Variants in MYBL1 observed in about 807,000 individuals in gnomAD.
MYBL1 encodes the protein myb-related protein A.
Under a neutral mutation model 96.3 loss-of-function variants are expected in MYBL1, and 17 were observed. That is an observed-to-expected ratio of 0.18 (90% confidence interval 0.12 to 0.26). The LOEUF (loss-of-function observed/expected upper bound fraction) is 0.26. Among genes scored for constraint, MYBL1 ranks in the 10% least tolerant of loss-of-function variants. MYBL1 has a pLI of 1.00. For missense variants in MYBL1, 701 were observed against 882.9 expected (o/e 0.79, Z 2.61); for synonymous variants, 282 against 292.7 (o/e 0.96, Z 0.37).
chr8:66,592,396 A>G, intron 8 of MYBL1, 44 bp downstream of exon 8: 2 of 1,257,416 alleles, frequency 1.6e-6, no homozygotes, highest in South Asian at 1.3e-5. Flanking sequence ...CAAAAAGCAT[A>G]TATGAAAGAT....
chr8:66,587,158 T>C (rs546402185), intron 8 of MYBL1, among the ~76,000 whole-genome samples: 3 of 152,298 alleles, frequency 2.0e-5, no homozygotes, highest in African/African-American at 7.2e-5. Flanking sequence ...AGGGTAACTA[T>C]AATTAACAGC....
At chr8:66,585,691 G>A (rs1457190588) in intron 8 of MYBL1, among the ~76,000 whole-genome samples, 10 of 152,080 alleles carry the variant, frequency 6.6e-5, no homozygotes, top group Non-Finnish European at 1.0e-4. Context: ...AACCGAGATC[G>A]CGCCACTGCC....
chr8:66,576,247 G>A lies in MYBL1; in HGVS notation c.1230C>T (p.Asn410=), dbSNP rs367803530. The A allele has an allele frequency of 1.1e-4, 183 of 1,613,814 alleles. No individual in the cohort carries two copies. Among genetic ancestry groups the A allele is most frequent in the Non-Finnish European group, 1.4e-4 (167 of 1,179,884 alleles). The change falls in exon 10 of 16, where the codon AAC becomes AAT. Residue 410 remains asparagine (N), a synonymous_variant. Transcript: ENST00000522677. ...HNEGAMECQF[N]VSLVLEGKKN... Reference sequence around the variant, plus strand: ...TTTTCCCTTCAAGTACAAGACTGACGTTAAATTGGCATTCCATGGCTCCTT... The same window carrying A: ...TTTTCCCTTCAAGTACAAGACTGACATTAAATTGGCATTCCATGGCTCCTT...
At chr8:66,577,151 C>T (rs1040648555) in intron 9 of MYBL1, among the ~76,000 whole-genome samples, 1 of 151,450 alleles carries the variant, frequency 6.6e-6, no homozygotes, top group African/African-American at 2.4e-5. Context: ...GGAAGCATTC[C>T]CTTTGAAAAC....
chr8:66,601,621 C>T lies in MYBL1; in HGVS notation c.198+77G>A, dbSNP rs1037889755. ...AACCTAAAATTAAAATATGTAGACA[C>T]ATTTTTGAAAAATAGCAAATTTAAC... On this transcript the variant is annotated intron_variant, in intron 3 of 15. Transcript: ENST00000522677. 6.3e-6 allele frequency: 5 copies of T among 793,886 alleles called. No individual in the cohort carries two copies. The African/African-American group carries it at 7.1e-5, about 11-fold the overall frequency. The allele number at this position is 793,886 out of a possible 1,614,324, so 49.2% of individuals were successfully genotyped here. A position where few individuals can be genotyped will look rare whatever the true frequency, so the allele number is the denominator to read the frequency against.
At chr8:66,602,891 G>A (rs576400987) in intron 1 of MYBL1, among the ~76,000 whole-genome samples, 8 of 150,804 alleles carry the variant, frequency 5.3e-5, no homozygotes, top group East Asian at 2.0e-4. Flanking sequence ...GACTACGGGC[G>A]CCCACCACTA....
At chr8:66,574,113 C>T (rs1211427079) in intron 10 of MYBL1, among the ~76,000 whole-genome samples, 2 of 152,004 alleles carry the variant, frequency 1.3e-5, no homozygotes, top group African/African-American at 2.4e-5. Flanking sequence ...TTTATTTTTG[C>T]AGTCAAAAGA....
chr8:66,570,173 T>A (rs1436587823), intron 12 of MYBL1, among the ~76,000 whole-genome samples: 1 of 152,222 alleles, frequency 6.6e-6, no homozygotes, highest in Non-Finnish European at 1.5e-5. Flanking sequence ...GCAAATAATC[T>A]ATTTTGGCAA....
At chr8:66,590,833 A>G (rs1192982066) in intron 8 of MYBL1, among the ~76,000 whole-genome samples, 1 of 152,150 alleles carries the variant, frequency 6.6e-6, no homozygotes, top group Non-Finnish European at 1.5e-5. Context: ...GATAGAAGGA[A>G]CAAGTTCTAG....
chr8:66,564,584 A>G lies in MYBL1; in HGVS notation c.*113T>C. 1.2e-6 allele frequency: 1 copy of G among 827,676 alleles called. No individual in the cohort carries two copies. The highest frequency in any genetic ancestry group is 3.6e-5 in the South Asian group (1 of 28,086). The allele number at this position is 827,676 out of a possible 1,614,324, so 51.3% of individuals were successfully genotyped here. On this transcript the variant is annotated 3_prime_UTR_variant, in exon 16 of 16. Transcript: ENST00000522677. ...TAGAATAGAAAAAAGATGCTGTATT[A>G]AAAGGGCTATCTTACAACTTTAAAA...
At chr8:66,573,556 T>C (rs1441681952) in intron 10 of MYBL1, 50 bp from the exon 11 acceptor site, 22 of 1,430,166 alleles carry the variant, frequency 1.5e-5, no homozygotes, top group Non-Finnish European at 1.8e-5. Context: ...TCAAAATCCC[T>C]ACACAAATAT....
Position 66,584,867 on chromosome 8 carries a change from C to T in MYBL1, c.868-4501G>A, listed in dbSNP as rs7018147. ...GATTTCTACAAGAAAAACTACAAAA[C>T]ACTGATAAAAAAAATTGAAGAGGAC... On this transcript the variant is annotated intron_variant, in intron 8 of 15. Transcript: ENST00000522677. Among the ~76,000 whole-genome samples, 71 of 151,620 alleles carry T rather than the reference C, an allele frequency of 4.7e-4. 1 individual carries two copies. The highest frequency in any genetic ancestry group is 1.6e-3 in the African/African-American group (68 of 41,350).
chr8:66,569,069 G>C (rs1483054571), intron 12 of MYBL1, among the ~76,000 whole-genome samples: 2 of 152,106 alleles, frequency 1.3e-5, no homozygotes, highest in Non-Finnish European at 2.9e-5. Flanking sequence ...ATTAAGCCTA[G>C]TACCCATTAG....
chr8:66,573,403 T>A lies in MYBL1; in HGVS notation c.1574A>T (p.His525Leu). The A allele has an allele frequency of 6.2e-7, 1 of 1,612,312 alleles. No homozygotes were observed. The highest frequency in any genetic ancestry group is 8.5e-7 in the Non-Finnish European group (1 of 1,179,304). Residue 525 changes from histidine (H) to leucine (L), a missense_variant, in exon 11 of 16, where the codon CAT becomes CTT. Physicochemically the swap from His to Leu is moderately conservative, Grantham distance 99. This residue lies in a region of MYBL1 where 396 missense variants were observed against 407.4 expected (regional missense o/e 0.97). Coordinates refer to ENST00000522677, the MANE Select transcript of MYBL1 (RefSeq NM_001080416.4). ...TTGATCTTTGGGAGTTGTTTCCTTATGAAGAGGAGTTGTAATGAGAGCTTT... is the reference window on the plus strand; with the variant it reads ...TTGATCTTTGGGAGTTGTTTCCTTAAGAAGAGGAGTTGTAATGAGAGCTTT... ...GQKALITTPL[H>L]KETTPKDQKE...
intron 6 of MYBL1, among the ~76,000 whole-genome samples, chr8:66,593,429 A>C (rs1478455004): frequency 1.3e-5 from 2 of 152,158 alleles, no homozygotes; most frequent in African/African-American, 4.8e-5. Context: ...TTTTCAGATG[A>C]AATATGAGAA....
chr8:66,591,372 T>A (rs978655660), intron 8 of MYBL1, among the ~76,000 whole-genome samples: 1 of 152,086 alleles, frequency 6.6e-6, no homozygotes, highest in Non-Finnish European at 1.5e-5. Flanking sequence ...TTTTTTTAAT[T>A]TAAAAACCTA....
chr8:66,612,879 G>A lies in MYBL1; in HGVS notation c.-41C>T. Reference sequence around the variant, plus strand: ...TAGGAGCAGGCTGGGCGGGGACGCGGGTCAGCCTCCTCCAGCCTCCGGCGA... The same window carrying A: ...TAGGAGCAGGCTGGGCGGGGACGCGAGTCAGCCTCCTCCAGCCTCCGGCGA... On this transcript the variant is annotated 5_prime_UTR_variant, in exon 1 of 16. Transcript: ENST00000522677. 1 of 1,340,510 alleles carries A rather than the reference G, an allele frequency of 7.5e-7. No individual in the cohort carries two copies. Among genetic ancestry groups the A allele is most frequent in the Non-Finnish European group, 9.7e-7 (1 of 1,035,952 alleles). 83.0% of individuals were successfully genotyped at this position (1,340,510 alleles called of 1,614,324 possible).
intron 5 of MYBL1, among the ~76,000 whole-genome samples, chr8:66,596,419 C>T (rs901515000): frequency 1.2e-4 from 19 of 152,062 alleles, no homozygotes; most frequent in African/African-American, 4.3e-4. Flanking sequence ...TTTCATCCCT[C>T]ATAAAATATA....
chr8:66,606,917 G>C (rs1215234064), intron 1 of MYBL1, among the ~76,000 whole-genome samples: 1 of 151,712 alleles, frequency 6.6e-6, no homozygotes, highest in South Asian at 2.1e-4. Flanking sequence ...CAGCCTCCCA[G>C]GTAGAAGGAA....
Sources: gnomAD v4.1 joint callset for allele counts (sites outside exome capture counted in the v4.1 genomes callset) on GRCh38, gnomAD v4.1.1 for gene constraint, gnomAD v4.1.1 regional missense constraint, MANE v1.5 for transcripts, NCBI Gene and HGNC (gene_info 2026-07-23, HGNC 2026-07-21) for gene names.